Variants in R3HDM1 observed in about 807,000 individuals in gnomAD.
R3HDM1 encodes the protein R3H domain-containing protein 1.
R3HDM1 carries 46 observed loss-of-function variants against 141.1 expected under a neutral mutation model. The observed-to-expected ratio is 0.33, with a 90% CI of 0.26 to 0.42. The LOEUF is 0.42. R3HDM1 is among the 10% of genes least tolerant of loss of function. The pLI is 1.00. For missense variants in R3HDM1, 1,184 were observed against 1,368.3 expected (o/e 0.87, Z 2.12); for synonymous variants, 435 against 472.9 (o/e 0.92, Z 1.04).
At chr2:135,604,736 C>T (rs1052822704) in intron 2 of R3HDM1, 70 bp from the exon 3 acceptor site, 1 of 1,145,962 alleles carries the variant, frequency 8.7e-7, no homozygotes, top group African/African-American at 1.5e-5. Flanking sequence ...ACATAACAGA[C>T]AGTAGGTCAG....
chr2:135,660,018 A>C (rs1388367092), intron 18 of R3HDM1, among the ~76,000 whole-genome samples: 1 of 152,224 alleles, frequency 6.6e-6, no homozygotes, highest in African/African-American at 2.4e-5. Flanking sequence ...ACTGTATGAG[A>C]AAAATTAAAG....
intron 19 of R3HDM1, among the ~76,000 whole-genome samples, chr2:135,663,567 CAT>C (rs1203595057): frequency 1.3e-5 from 2 of 152,142 alleles, no homozygotes; most frequent in Non-Finnish European, 2.9e-5. Flanking sequence ...TAATAAGTAT[CAT>C]AGAAAATTTT....
intron 1 of R3HDM1, among the ~76,000 whole-genome samples, chr2:135,535,550 T>C (rs1364648551): frequency 6.7e-6 from 1 of 149,606 alleles, no homozygotes; most frequent in African/African-American, 2.5e-5. Context: ...AAATATGAGA[T>C]GGCTGTTGTG....
chr2:135,532,562 AAT>A (rs34099775), intron 1 of R3HDM1, among the ~76,000 whole-genome samples: 4 of 150,352 alleles, frequency 2.7e-5, no homozygotes, highest in South Asian at 2.1e-4. Context: ...AAATTTTCTA[AAT>A]ATATATATAT....
intron 1 of R3HDM1, among the ~76,000 whole-genome samples, chr2:135,572,025 G>A (rs887416747): frequency 6.6e-6 from 1 of 151,856 alleles, no homozygotes; most frequent in Non-Finnish European, 1.5e-5. Context: ...GTGCCATCTC[G>A]GCTCACTGCA....
At chr2:135,672,731 G>A (rs1197490304) in intron 19 of R3HDM1, among the ~76,000 whole-genome samples, 2 of 152,098 alleles carry the variant, frequency 1.3e-5, no homozygotes, top group Non-Finnish European at 2.9e-5. Context: ...AAGAGAGTGC[G>A]TGTGTTTGTG....
At chr2:135,639,630 GAA>G (rs2063580571) in intron 14 of R3HDM1, among the ~76,000 whole-genome samples, 1 of 152,142 alleles carries the variant, frequency 6.6e-6, no homozygotes, top group African/African-American at 2.4e-5. Flanking sequence ...ACAAATGACT[GAA>G]AATTTCAATA....
chr2:135,716,930 C>T (rs886465798), intron 24 of R3HDM1, among the ~76,000 whole-genome samples: 12 of 150,326 alleles, frequency 8.0e-5, no homozygotes, highest in Admixed American at 2.7e-4. Flanking sequence ...CCAGCCTGGG[C>T]GACAGAGAGA....
At chr2:135,557,589 T>A (rs1413269144) in intron 1 of R3HDM1, among the ~76,000 whole-genome samples, 1 of 152,248 alleles carries the variant, frequency 6.6e-6, no homozygotes, top group Non-Finnish European at 1.5e-5. Flanking sequence ...TTGGTTACTA[T>A]AAATCCTGAC....
At chr2:135,715,366 C>T (rs887470106) in intron 23 of R3HDM1, among the ~76,000 whole-genome samples, 184 bp from the exon 24 acceptor site, 5 of 150,464 alleles carry the variant, frequency 3.3e-5, no homozygotes, top group African/African-American at 4.9e-5. Flanking sequence ...AGTGAGACTC[C>T]GTCTCAAAAA....
intron 1 of R3HDM1, among the ~76,000 whole-genome samples, chr2:135,580,145 G>A (rs947409084): frequency 1.3e-5 from 2 of 152,120 alleles, no homozygotes; most frequent in Admixed American, 1.3e-4. Context: ...TAGCTACTCG[G>A]GAGGTTTATG....
intron 1 of R3HDM1, among the ~76,000 whole-genome samples, chr2:135,579,715 G>T (rs1031599951): frequency 6.6e-6 from 1 of 151,966 alleles, no homozygotes; most frequent in African/African-American, 2.4e-5. Context: ...TTTCACTTCC[G>T]CGGTATCCCT....
chr2:135,538,982 G>T (rs1445978841), intron 1 of R3HDM1, among the ~76,000 whole-genome samples: 3 of 152,074 alleles, frequency 2.0e-5, no homozygotes, highest in Non-Finnish European at 4.4e-5. Context: ...AAACCAAGAT[G>T]TAAACACATG....
chr2:135,559,965 G>A (rs11889020), intron 1 of R3HDM1, among the ~76,000 whole-genome samples: 10,369 of 152,230 alleles, frequency 0.068, 726 homozygotes, highest in African/African-American at 0.18. Flanking sequence ...CTATCATCAT[G>A]TATAATTCAG....
At chr2:135,594,297 C>A (rs1451938694) in intron 1 of R3HDM1, among the ~76,000 whole-genome samples, 1 of 152,108 alleles carries the variant, frequency 6.6e-6, no homozygotes, top group African/African-American at 2.4e-5. Flanking sequence ...TTTTAAATTA[C>A]GTTTCTTAAG....
At chr2:135,697,929 T>C (rs903346580) in intron 21 of R3HDM1, among the ~76,000 whole-genome samples, 1 of 151,268 alleles carries the variant, frequency 6.6e-6, no homozygotes, top group African/African-American at 2.4e-5. Context: ...GGTGCATGCC[T>C]ATAATCCCAG....
At chr2:135,549,561 CAAAA>C (rs1236257586) in intron 1 of R3HDM1, among the ~76,000 whole-genome samples, 2 of 67,474 alleles carry the variant, frequency 3.0e-5, no homozygotes, top group South Asian at 8.4e-4. Flanking sequence ...AACTCTGCCT[CAAAA>C]AAAAAAAAAA....
chr2:135,659,441 C>CTT (rs112949059), intron 18 of R3HDM1, among the ~76,000 whole-genome samples: 16 of 143,986 alleles, frequency 1.1e-4, no homozygotes, highest in African/African-American at 3.3e-4. Flanking sequence ...GGACTACATT[C>CTT]TTTTTTTTTT....
intron 5 of R3HDM1, among the ~76,000 whole-genome samples, chr2:135,619,452 T>TC (rs1308984142): frequency 5.3e-5 from 8 of 152,164 alleles, no homozygotes; most frequent in African/African-American, 1.9e-4. Context: ...AAAAGATGAG[T>TC]TATGGCATGT....
Sources: gnomAD v4.1 joint callset for allele counts (sites outside exome capture counted in the v4.1 genomes callset) on GRCh38, gnomAD v4.1.1 for gene constraint, MANE v1.5 for transcripts, NCBI Gene and HGNC (gene_info 2026-07-23, HGNC 2026-07-21) for gene names.